Variants in SIPA1L3 observed in about 807,000 individuals in gnomAD.
The protein encoded by SIPA1L3 is signal induced proliferation associated 1 like 3.
Under a neutral mutation model 150.1 loss-of-function variants are expected in SIPA1L3, and 59 were observed. The observed-to-expected ratio is 0.39, with a 90% CI of 0.32 to 0.49. The LOEUF is 0.49. Ranked by LOEUF, SIPA1L3 falls within the 20% of genes least tolerant of loss-of-function variation. SIPA1L3 has a pLI of 0.86. For missense variants in SIPA1L3, 2,211 were observed against 2,489.5 expected (o/e 0.89, Z 2.38); for synonymous variants, 1,070 against 1,077.6 (o/e 0.99, Z 0.14).
chr19:38,015,544 C>T (rs1035211497), intron 1 of SIPA1L3, among the ~76,000 whole-genome samples: 10 of 151,644 alleles, frequency 6.6e-5, no homozygotes, highest in African/African-American at 1.2e-4. Context: ...GGAAACATGG[C>T]GAAACTCTGT....
rs1408081343 is a variant in SIPA1L3 at position 38,142,619 on chromosome 19, G to C, written c.3442G>C (p.Ala1148Pro). ...CCCTTACACAGTATCACCAGCAGGG[G>C]CCGACAGAGTCCCTCCCTACCGACA... ...ETPYTVSPAG[A>P]DRVPPYRQPS... Residue 1148 changes from alanine to proline, a missense_variant, in exon 12 of 22, where the codon GCC becomes CCC. Transcript: ENST00000222345. 6.2e-7 allele frequency: 1 copy of C among 1,613,938 alleles called. No individual in the cohort carries two copies. Among genetic ancestry groups the C allele is most frequent in the Admixed American group, 1.7e-5 (1 of 60,002 alleles).
intron 1 of SIPA1L3, among the ~76,000 whole-genome samples, chr19:37,940,437 A>G (rs1017379569): frequency 6.6e-6 from 1 of 152,186 alleles, no homozygotes; most frequent in Non-Finnish European, 1.5e-5. Context: ...AGGATTCTTT[A>G]AAGACATAAT....
chr19:38,023,694 G>C (rs1250533958), intron 1 of SIPA1L3, among the ~76,000 whole-genome samples: 2 of 152,236 alleles, frequency 1.3e-5, no homozygotes, highest in Non-Finnish European at 2.9e-5. Context: ...TTACAGCAAA[G>C]GCTGCAGTGG....
intron 1 of SIPA1L3, among the ~76,000 whole-genome samples, chr19:37,941,144 G>GTCAGTACACAGCAATACTA (rs2046653414): frequency 6.7e-6 from 1 of 150,336 alleles, no homozygotes; most frequent in Admixed American, 6.6e-5. Context: ...TTGGCAGGCA[G>GTCAGTACACAGCAATACTA]GGCTAGCCGT....
At chr19:38,021,110 G>A (rs1968363585) in intron 1 of SIPA1L3, among the ~76,000 whole-genome samples, 1 of 152,104 alleles carries the variant, frequency 6.6e-6, no homozygotes, top group African/African-American at 2.4e-5. Flanking sequence ...TTTTAGCTGA[G>A]TCTTTCTGAG....
chr19:37,936,508 A>G (rs1358997986), intron 1 of SIPA1L3, among the ~76,000 whole-genome samples: 1 of 152,270 alleles, frequency 6.6e-6, no homozygotes, highest in Non-Finnish European at 1.5e-5. Flanking sequence ...GTTCGAAGTT[A>G]GTCTAATGAT....
At chr19:37,913,688 G>A (rs2046393495) in intron 1 of SIPA1L3, among the ~76,000 whole-genome samples, 1 of 150,148 alleles carries the variant, frequency 6.7e-6, no homozygotes, top group South Asian at 2.1e-4. Context: ...GAGCCACTGT[G>A]CCCAGCCTTT....
intron 1 of SIPA1L3, among the ~76,000 whole-genome samples, chr19:37,951,909 A>G (rs976005608): frequency 6.6e-6 from 1 of 151,618 alleles, no homozygotes; most frequent in African/African-American, 2.4e-5. Context: ...AAAAAAAAAA[A>G]AAAAAAAGCC....
rs192499345 is a variant in SIPA1L3 at position 38,046,477 on chromosome 19, C to T, written c.-311+17321C>T. On this transcript the variant is annotated intron_variant, in intron 2 of 21. Coordinates refer to ENST00000222345, the MANE Select transcript of SIPA1L3 (RefSeq NM_015073.3). This position sits in a 1 kb window ranked among gnomAD's most constrained non-coding sequence, Gnocchi z 5.6. ...CTCATGCCGATCAACGTGCTTCTCT[C>T]GGTTCCCTGTTCTGGGCCCTGCCCT... 6.6e-5 allele frequency among the ~76,000 whole-genome samples: 10 copies of T among 152,256 alleles called. No individual in the cohort carries two copies. Among genetic ancestry groups the T allele is most frequent in the South Asian group, 2.1e-4 (1 of 4,822 alleles).
chr19:38,182,820 A>AT, intron 16 of SIPA1L3, 80 bp downstream of exon 16: 1 of 1,084,348 alleles, frequency 9.2e-7, no homozygotes, highest in South Asian at 1.5e-5. Context: ...GTGATGCCAC[A>AT]TGCTGTCATT....
Position 38,088,934 on chromosome 19 carries a change from C to T in SIPA1L3, c.1665+83C>T, listed in dbSNP as rs1000784279. 13 of 1,482,670 alleles carry T rather than the reference C, an allele frequency of 8.8e-6. No individual in the cohort carries two copies. The African/African-American group carries it at 1.1e-4, about 13-fold the overall frequency. The allele number at this position is 1,482,670 out of a possible 1,614,324, so 91.8% of individuals were successfully genotyped here. A position where few individuals can be genotyped will look rare whatever the true frequency, so the allele number is the denominator to read the frequency against. The stretch of plus-strand genomic sequence containing the variant: ...CAGGTTCTGGGGGCAAACGCTTCCC[C>T]AGCTTCATCTCATGGAATCCTCCCA... On this transcript the variant is annotated intron_variant, in intron 4 of 21. Coordinates refer to ENST00000222345, the MANE Select transcript of SIPA1L3 (RefSeq NM_015073.3).
rs3045988 is a variant in SIPA1L3 at position 38,138,897 on chromosome 19, C to CAA, written c.3144-2270_3144-2269dup. Among the ~76,000 whole-genome samples, 158 of 44,120 alleles carry CAA rather than the reference C, an allele frequency of 3.6e-3. 5 individuals are homozygous for CAA. The highest frequency in any genetic ancestry group is 0.015 in the African/African-American group (139 of 9,284). 28.9% of individuals were successfully genotyped at this position (44,120 alleles called of 152,430 possible). A position where few individuals can be genotyped will look rare whatever the true frequency, so the allele number is the denominator to read the frequency against. On this transcript the variant is annotated intron_variant, in intron 10 of 21. Coordinates refer to ENST00000222345, the MANE Select transcript of SIPA1L3 (RefSeq NM_015073.3). ...TGGGTGACAGAACGAGACTCTATCT[C>CAA]AAAAAAAAAAAAAAAAAACTGAGTG... is the stretch of plus-strand genomic sequence containing the variant.
At chr19:38,087,753 T>A (rs1438917048) in intron 3 of SIPA1L3, 1 of 152,296 alleles carries the variant, frequency 6.6e-6, no homozygotes, top group Non-Finnish European at 1.5e-5. Flanking sequence ...GCACGGTGGC[T>A]CACGCCTGTA....
chr19:38,006,330 A>G (rs1215440416), intron 1 of SIPA1L3, among the ~76,000 whole-genome samples: 4 of 152,228 alleles, frequency 2.6e-5, no homozygotes, highest in African/African-American at 9.6e-5. Flanking sequence ...CAAGAAGCAG[A>G]CAGGGCCAAT....
chr19:37,947,575 C>G (rs940395063), intron 1 of SIPA1L3, among the ~76,000 whole-genome samples: 7 of 152,066 alleles, frequency 4.6e-5, no homozygotes, highest in Non-Finnish European at 8.8e-5. Context: ...TTCTTTCCCA[C>G]TAATATGAAA....
chr19:38,129,035 T>C (rs970954388), intron 9 of SIPA1L3, among the ~76,000 whole-genome samples: 3 of 152,226 alleles, frequency 2.0e-5, no homozygotes, highest in Non-Finnish European at 4.4e-5. Context: ...CCGTTATCTT[T>C]CCATAACGCA....
At chr19:38,007,732 T>C (rs1967988970) in intron 1 of SIPA1L3, among the ~76,000 whole-genome samples, 1 of 152,128 alleles carries the variant, frequency 6.6e-6, no homozygotes, top group South Asian at 2.1e-4. Context: ...CTTGGCTACA[T>C]GTGTGTAAGT....
chr19:37,992,586 G>T (rs969275904), intron 1 of SIPA1L3, among the ~76,000 whole-genome samples: 2 of 152,136 alleles, frequency 1.3e-5, no homozygotes, highest in Middle Eastern at 3.4e-3. Context: ...GGGAGGTGGA[G>T]GTTACAGTGA....
intron 16 of SIPA1L3, among the ~76,000 whole-genome samples, chr19:38,188,475 T>C (rs1179301063): frequency 6.6e-6 from 1 of 151,258 alleles, no homozygotes; most frequent in Non-Finnish European, 1.5e-5. Flanking sequence ...TGAACCACCA[T>C]GCCAGGCCCA....
Sources: gnomAD v4.1 joint callset for allele counts (sites outside exome capture counted in the v4.1 genomes callset) on GRCh38, gnomAD v4.1.1 for gene constraint, Gnocchi (gnomAD v3.1) non-coding constraint, MANE v1.5 for transcripts, NCBI Gene and HGNC (gene_info 2026-07-23, HGNC 2026-07-21) for gene names.